STX7: variants seen among roughly 807,000 people sequenced by gnomAD.
The protein encoded by STX7 is syntaxin 7.
A neutral mutation model predicts 39.6 loss-of-function variants in STX7; 34 were observed. The observed-to-expected ratio is 0.86, with a 90% CI of 0.65 to 1.14. The LOEUF is 1.14. Ranked by LOEUF, STX7 falls within the 50% of genes most tolerant of loss-of-function variation. The probability of loss-of-function intolerance (pLI) is 0.00; values close to 1 mark genes in which losing one functional copy is unlikely to be tolerated. For synonymous variants in STX7, 119 were observed against 99.1 expected (o/e 1.20, Z -1.19); for missense variants, 284 against 310.4 (o/e 0.92, Z 0.64).
Position 132,464,064 on chromosome 6 carries a change from C to T in STX7, c.622G>A (p.Ala208Thr), listed in dbSNP as rs1314883777. 6.2e-7 allele frequency: 1 copy of T among 1,613,910 alleles called. No homozygotes were observed. Among genetic ancestry groups the T allele is most frequent in the South Asian group, 1.1e-5 (1 of 91,072 alleles). The change falls in exon 9 of 10, where the codon GCC becomes ACC. Residue 208 changes from alanine to threonine, a missense_variant. Ala to Thr is a moderately conservative substitution (Grantham distance 58, BLOSUM62 0). Coordinates refer to ENST00000367941, the MANE Select transcript of STX7 (RefSeq NM_003569.3). The part of the protein sequence containing the change: ...EQGDVIDSIE[A>T]NVENAEVHVQ... Reference sequence around the variant, plus strand: ...TGCACCTCTGCATTTTCCACATTGGCTTCTATGCTATCTGTAAAATAAAAC... The same window carrying T: ...TGCACCTCTGCATTTTCCACATTGGTTTCTATGCTATCTGTAAAATAAAAC...
intron 1 of STX7, among the ~76,000 whole-genome samples, chr6:132,512,390 A>T (rs1775870331): frequency 6.6e-6 from 1 of 152,182 alleles, no homozygotes. Context: ...AGGAAATACT[A>T]GAAATATTTT....
chr6:132,485,475 T>C (rs895607897), intron 2 of STX7, among the ~76,000 whole-genome samples: 1 of 152,230 alleles, frequency 6.6e-6, no homozygotes, highest in African/African-American at 2.4e-5. Context: ...CTCCTATAAG[T>C]ATATGCCCTA....
At chr6:132,511,928 T>A (rs373756834) in intron 1 of STX7, among the ~76,000 whole-genome samples, 1 of 152,164 alleles carries the variant, frequency 6.6e-6, no homozygotes, top group South Asian at 2.1e-4. Flanking sequence ...TGAGGAAAAA[T>A]TATGATGTTA....
At chr6:132,490,162 C>G (rs1009916020) in intron 2 of STX7, among the ~76,000 whole-genome samples, 1 of 152,216 alleles carries the variant, frequency 6.6e-6, no homozygotes, top group Non-Finnish European at 1.5e-5. Context: ...GTGGTGAGGC[C>G]TTGCGCCTTG....
intron 2 of STX7, among the ~76,000 whole-genome samples, chr6:132,482,273 C>T (rs1011970605): frequency 6.6e-6 from 1 of 152,160 alleles, no homozygotes; most frequent in Non-Finnish European, 1.5e-5. Context: ...AGCGAGAGGG[C>T]TTCTGAACGT....
At chr6:132,466,154 A>G (rs1774559370) in intron 8 of STX7, among the ~76,000 whole-genome samples, 1 of 152,122 alleles carries the variant, frequency 6.6e-6, no homozygotes. Flanking sequence ...TTTCACCAAC[A>G]CAGCTCGTAT....
chr6:132,506,500 G>GC, intron 1 of STX7, among the ~76,000 whole-genome samples: 1 of 152,150 alleles, frequency 6.6e-6, no homozygotes, highest in Non-Finnish European at 1.5e-5. Context: ...CATGAAAAAT[G>GC]TTTAACATCA....
chr6:132,470,611 C>T lies in STX7; in HGVS notation c.403G>A (p.Asp135Asn). 8 of 1,608,696 alleles carry T rather than the reference C, an allele frequency of 5.0e-6. No individual in the cohort carries two copies. Among genetic ancestry groups the T allele is most frequent in the South Asian group, 2.2e-5 (2 of 90,518 alleles). Residue 135 changes from aspartate (D) to asparagine (N), a missense_variant, in exon 6 of 10, where the codon GAC becomes AAC. Physicochemically the swap from Asp to Asn is conservative, Grantham distance 23. Coordinates refer to ENST00000367941, the MANE Select transcript of STX7 (RefSeq NM_003569.3). ...ACAAGATTCCTTTCTTTTGAGCTGTCCTCAGGAAAACTGCCCTGAATAATT... is the reference window on the plus strand; with the variant it reads ...ACAAGATTCCTTTCTTTTGAGCTGTTCTCAGGAAAACTGCCCTGAATAATT... ...SSRVSGSFPE[D>N]SSKERNLVSW...
At chr6:132,510,630 CTG>C (rs1390225992) in intron 1 of STX7, among the ~76,000 whole-genome samples, 1 of 152,210 alleles carries the variant, frequency 6.6e-6, no homozygotes, top group Non-Finnish European at 1.5e-5. Flanking sequence ...TTCAAAAATT[CTG>C]TGTGGCTAGT....
intron 2 of STX7, among the ~76,000 whole-genome samples, chr6:132,484,159 T>C (rs1202805337): frequency 6.6e-6 from 1 of 152,232 alleles, no homozygotes; most frequent in African/African-American, 2.4e-5. Flanking sequence ...TTGAACTATC[T>C]GTACCACTAC....
At chr6:132,470,102 G>C in intron 6 of STX7, 55 bp from the exon 7 acceptor site, 1 of 1,293,398 alleles carries the variant, frequency 7.7e-7, no homozygotes, top group Non-Finnish European at 1.1e-6. Flanking sequence ...CAAAACAATG[G>C]GACTCATTTC....
At chr6:132,466,865 A>C (rs1774577504) in intron 8 of STX7, among the ~76,000 whole-genome samples, 1 of 152,198 alleles carries the variant, frequency 6.6e-6, no homozygotes, top group East Asian at 1.9e-4. Context: ...TAGTGGGCCA[A>C]GCTAAAACCT....
At chr6:132,478,405 C>T (rs9493329) in intron 2 of STX7, among the ~76,000 whole-genome samples, 35,137 of 152,012 alleles carry the variant, frequency 0.23, 4,463 homozygotes, top group East Asian at 0.54. Context: ...TGGTAATTTC[C>T]GGTTTCTGAA....
intron 2 of STX7, among the ~76,000 whole-genome samples, chr6:132,501,683 C>T (rs1210170391): frequency 6.6e-6 from 1 of 152,134 alleles, no homozygotes; most frequent in African/African-American, 2.4e-5. Context: ...CAATTCCTAA[C>T]ACTGTTTAGC....
rs116771886 is a variant in STX7, at chr6:132,510,945, A to G, written c.-59+2062T>C. Among the ~76,000 whole-genome samples, 138 of 152,328 alleles carry G rather than the reference A, an allele frequency of 9.1e-4. 1 individual carries two copies. The highest frequency in any genetic ancestry group is 3.1e-3 in the African/African-American group (129 of 41,562). On this transcript the variant is annotated intron_variant, in intron 1 of 9. Coordinates refer to ENST00000367941, the MANE Select transcript of STX7 (RefSeq NM_003569.3). ...AATCCTTAAGATTTCCATTTAGCATATATCTCATGCTCTATAAATCTACCC... is the reference window on the plus strand; with the variant it reads ...AATCCTTAAGATTTCCATTTAGCATGTATCTCATGCTCTATAAATCTACCC...
At position 132,449,018 on chromosome 6, in the gene STX7, CT is replaced by C. The variant is rs1195881689; in HGVS notation, c.*11739del. The C allele has an allele frequency of 0.03, 4,327 of 142,152 alleles. 188 individuals carry two copies. The highest frequency in any genetic ancestry group is 0.1 in the African/African-American group (3,992 of 39,124). 8.8% of individuals were successfully genotyped at this position (142,152 alleles called of 1,614,324 possible). A position where few individuals can be genotyped will look rare whatever the true frequency, so the allele number is the denominator to read the frequency against. On this transcript the variant is annotated 3_prime_UTR_variant, in exon 10 of 10. Transcript: ENST00000367941. ...TTTGCTTCTTGTATATGTGGATCCA[CT>C]TTTTTTTTTTTTAGACAGGGTACAG...
chr6:132,486,657 T>C (rs1582667155), intron 2 of STX7, among the ~76,000 whole-genome samples: 1 of 147,836 alleles, frequency 6.8e-6, no homozygotes, highest in East Asian at 2.1e-4. Flanking sequence ...GTAGTGTTTT[T>C]TTCTGGGTTT....
chr6:132,503,610 C>G (rs879156442), intron 1 of STX7, 22 bp from the exon 2 acceptor site: 4 of 1,120,994 alleles, frequency 3.6e-6, no homozygotes, highest in Admixed American at 4.1e-5. Context: ...AAAAGTCACA[C>G]AGATATATTT....
At chr6:132,494,242 A>T (rs1046514459) in intron 2 of STX7, among the ~76,000 whole-genome samples, 7 of 143,590 alleles carry the variant, frequency 4.9e-5, no homozygotes, top group African/African-American at 2.1e-4. Flanking sequence ...AGAAAAAAAA[A>T]GTAAGCACCA....
Sources: allele counts gnomAD v4.1 joint callset (sites outside exome capture counted in the v4.1 genomes callset), GRCh38; gene constraint gnomAD v4.1.1; transcripts MANE v1.5; gene names NCBI Gene and HGNC (gene_info 2026-07-23, HGNC 2026-07-21).